The following ARHGEF6 variants were observed in gnomAD, a reference collection of about 807,000 sequenced individuals.
The protein encoded by ARHGEF6 is rho guanine nucleotide exchange factor 6.
A neutral mutation model predicts 70.3 loss-of-function variants in ARHGEF6; 9 were observed. That is an observed-to-expected ratio of 0.13 (90% CI 0.08 to 0.22). The LOEUF (loss-of-function observed/expected upper bound fraction) is 0.22. Among genes scored for constraint, ARHGEF6 ranks in the 10% least tolerant of loss-of-function variants. The pLI is 1.00. For synonymous variants in ARHGEF6, 201 were observed against 207.8 expected, an observed-to-expected ratio of 0.97 and a Z score of 0.28; for missense variants, 470 against 563.0, an observed-to-expected ratio of 0.83 and a Z score of 1.67.
At chrX:136,691,491 T>C (rs2076457645) in intron 9 of ARHGEF6, among the ~76,000 whole-genome samples, 1 of 112,510 alleles carries the variant, frequency 8.9e-6, no homozygotes, top group Admixed American at 9.4e-5. Flanking sequence ...AACAGGGATA[T>C]TGAGTCCTGG....
chrX:136,740,071 C>G (rs1268217970), intron 5 of ARHGEF6, among the ~76,000 whole-genome samples: 1 of 110,841 alleles, frequency 9.0e-6, no homozygotes, highest in Admixed American at 9.5e-5. Context: ...TGCAGTGGCA[C>G]GATCTCAGCT....
Position 136,675,024 on chromosome X carries a change from T to A in ARHGEF6, c.2018A>T (p.Gln673Leu), listed in dbSNP as rs1195902561. 1 of 1,211,488 alleles carries A rather than the reference T, an allele frequency of 8.3e-7. No homozygotes were observed. The highest frequency in any genetic ancestry group is 1.8e-5 in the South Asian group (1 of 56,980). The change falls in exon 19 of 22, where the codon CAA becomes CTA. Residue 673 changes from glutamine to leucine, a missense_variant. Physicochemically the swap from Gln to Leu is moderately radical, Grantham distance 113. Coordinates refer to ENST00000250617, the MANE Select transcript of ARHGEF6 (RefSeq NM_004840.3). ...GAACCTACTTGAGCCATGGCCTTGT[T>A]GAAAATTTGCGCTGGTGCAGTAGGC... ...IEAYCTSANF[Q>L]QGHGSSTRKD...
chrX:136,712,070 C>G (rs2076691378), intron 7 of ARHGEF6, among the ~76,000 whole-genome samples: 2 of 111,562 alleles, frequency 1.8e-5, no homozygotes, highest in Non-Finnish European at 3.8e-5. Context: ...TTTTTCTTTT[C>G]TTTTTCTTTT....
intron 5 of ARHGEF6, among the ~76,000 whole-genome samples, chrX:136,740,160 C>T (rs2148656751): frequency 9.0e-6 from 1 of 111,154 alleles, no homozygotes; most frequent in East Asian, 2.8e-4. Context: ...AGGCATGCGC[C>T]ACCATGCCCA....
At chrX:136,674,495 C>T (rs1321362445) in intron 19 of ARHGEF6, among the ~76,000 whole-genome samples, 1 of 112,614 alleles carries the variant, frequency 8.9e-6, no homozygotes, top group Admixed American at 9.3e-5. Context: ...CAACTTTATA[C>T]ATTTTGGACA....
intron 8 of ARHGEF6, 148 bp from the exon 9 acceptor site, chrX:136,707,178 G>C: frequency 5.7e-6 from 4 of 703,137 alleles, no homozygotes; most frequent in Non-Finnish European, 8.4e-6. Context: ...TTTTACCCAT[G>C]AAACTCAAAT....
intron 3 of ARHGEF6, among the ~76,000 whole-genome samples, chrX:136,747,008 T>A (rs1174191311): frequency 1.8e-5 from 2 of 111,681 alleles, no homozygotes; most frequent in Non-Finnish European, 3.8e-5. Flanking sequence ...ATACCTCTAG[T>A]GTGGTAGGTG....
intron 4 of ARHGEF6, among the ~76,000 whole-genome samples, chrX:136,744,866 C>T (rs1242157207): frequency 8.9e-6 from 1 of 112,047 alleles, no homozygotes; most frequent in African/African-American, 3.2e-5. Context: ...TATTGATTGC[C>T]TACTATGTGT....
chrX:136,743,286 T>C (rs2077063863), intron 5 of ARHGEF6, among the ~76,000 whole-genome samples: 1 of 112,108 alleles, frequency 8.9e-6, no homozygotes, highest in African/African-American at 3.2e-5. Flanking sequence ...GACTATGTAC[T>C]ATATTACATG....
intron 6 of ARHGEF6, among the ~76,000 whole-genome samples, chrX:136,724,072 TTC>T (rs956827183): frequency 2.5e-4 from 27 of 109,891 alleles, no homozygotes; most frequent in Admixed American, 1.5e-3. Context: ...TTCTCTTTTT[TTC>T]TTTCTTTTTT....
chrX:136,707,426 G>A (rs2076637580), intron 8 of ARHGEF6, among the ~76,000 whole-genome samples: 2 of 112,134 alleles, frequency 1.8e-5, no homozygotes, highest in South Asian at 7.4e-4. Context: ...TTGGAGGCCT[G>A]GTGTTTGCTA....
intron 12 of ARHGEF6, among the ~76,000 whole-genome samples, chrX:136,685,083 C>T (rs1360873926): frequency 1.8e-5 from 2 of 111,624 alleles, no homozygotes; most frequent in Admixed American, 9.5e-5. Context: ...CAAGTTGCTT[C>T]TTTTGCTCCC....
intron 2 of ARHGEF6, among the ~76,000 whole-genome samples, chrX:136,759,970 A>G (rs998362349): frequency 1.8e-5 from 2 of 112,199 alleles, no homozygotes; most frequent in Non-Finnish European, 3.8e-5. Flanking sequence ...GTTTTGGATG[A>G]TCCACATCTC....
chrX:136,779,365 CA>C, intron 2 of ARHGEF6, 48 bp downstream of exon 2: 1 of 1,082,929 alleles, frequency 9.2e-7, no homozygotes, highest in Non-Finnish European at 1.3e-6. Flanking sequence ...TCTTGATTAG[CA>C]GAGCAAAAAA....
intron 2 of ARHGEF6, 91 bp from the exon 3 acceptor site, chrX:136,747,683 G>GC: frequency 5.6e-6 from 1 of 179,043 alleles, no homozygotes; most frequent in Non-Finnish European, 9.7e-6. Flanking sequence ...CCAGCTCTCC[G>GC]GAAAAAAAAA....
rs2076447498 is a variant in ARHGEF6 at position 136,690,515 on chromosome X, C to T, written c.1185+95G>A. On this transcript the variant is annotated intron_variant, in intron 10 of 21. Coordinates refer to ENST00000250617, the MANE Select transcript of ARHGEF6 (RefSeq NM_004840.3). ...AATTTTGAATCCAAGACCTTGATTCCTCTGCAAGGCCATTTTGGAGGCAAA... is the reference window on the plus strand; with the variant it reads ...AATTTTGAATCCAAGACCTTGATTCTTCTGCAAGGCCATTTTGGAGGCAAA... 3.9e-6 allele frequency: 4 copies of T among 1,032,663 alleles called. No homozygotes were observed. In the African/African-American group the frequency reaches 5.6e-5, roughly 15 times the overall value. The allele number at this position is 1,032,663 out of a possible 1,213,427, so 85.1% of individuals were successfully genotyped here.
chrX:136,712,273 T>C (rs2076694255), intron 7 of ARHGEF6, among the ~76,000 whole-genome samples: 1 of 111,203 alleles, frequency 9.0e-6, no homozygotes, highest in African/African-American at 3.3e-5. Context: ...CACGCCCGGC[T>C]AATTTGCTTT....
intron 5 of ARHGEF6, among the ~76,000 whole-genome samples, chrX:136,742,155 C>T (rs1339472129): frequency 3.6e-5 from 4 of 111,091 alleles, no homozygotes; most frequent in African/African-American, 1.3e-4. Flanking sequence ...CCCATCTCTA[C>T]TAAAAATACA....
Position 136,692,381 on chromosome X carries a change from C to T in ARHGEF6, c.1047-1633G>A, listed in dbSNP as rs191854293. Among the ~76,000 whole-genome samples the T allele has an allele frequency of 7.5e-4, 84 of 111,463 alleles. 1 individual carries two copies. The highest frequency in any genetic ancestry group is 2.4e-3 in the African/African-American group (73 of 30,664). On this transcript the variant is annotated intron_variant, in intron 9 of 21. Transcript: ENST00000250617. ...TGCTGGGACTACAGGCATGAACCAC[C>T]GCACCCAGCCTGCTGCTAATCCTTT...
Sources: gnomAD v4.1 joint callset for allele counts (sites outside exome capture counted in the v4.1 genomes callset) on GRCh38, gnomAD v4.1.1 for gene constraint, MANE v1.5 for transcripts, NCBI Gene and HGNC (gene_info 2026-07-23, HGNC 2026-07-21) for gene names.